The following SHB variants were observed in gnomAD, a reference collection of about 807,000 sequenced individuals.
SHB encodes SH2 domain-containing adapter protein B.
Under a neutral mutation model 52.3 loss-of-function variants are expected in SHB, and 20 were observed. The observed-to-expected ratio is 0.38, with a 90% CI of 0.27 to 0.56. The LOEUF (loss-of-function observed/expected upper bound fraction) is 0.56, where lower values mean the gene tolerates loss of function less well. Ranked by LOEUF, SHB falls within the 20% of genes least tolerant of loss-of-function variation. The probability of loss-of-function intolerance (pLI) is 0.71; values close to 1 mark genes in which losing one functional copy is unlikely to be tolerated. For synonymous variants in SHB, 397 were observed against 316.5 expected (o/e 1.25, Z -2.70); for missense variants, 825 against 723.3 (o/e 1.14, Z -1.61).
intron 1 of SHB, among the ~76,000 whole-genome samples, chr9:38,018,776 T>C (rs1360421068): frequency 6.6e-6 from 1 of 152,192 alleles, no homozygotes; most frequent in Non-Finnish European, 1.5e-5. Context: ...TGAAGTACCA[T>C]GGGCCCCAGC....
At chr9:37,928,357 C>G (rs985848520) in intron 5 of SHB, among the ~76,000 whole-genome samples, 1 of 152,180 alleles carries the variant, frequency 6.6e-6, no homozygotes, top group African/African-American at 2.4e-5. Context: ...TGGACAGAAT[C>G]CAGGCCAAGG....
chr9:37,994,614 G>C (rs1587234554), intron 2 of SHB, among the ~76,000 whole-genome samples: 1 of 152,154 alleles, frequency 6.6e-6, no homozygotes, highest in Admixed American at 6.5e-5. Flanking sequence ...CAATTTCATG[G>C]CGCTGTTTAA....
chr9:38,042,082 A>G (rs2118143410), intron 1 of SHB, among the ~76,000 whole-genome samples: 1 of 152,286 alleles, frequency 6.6e-6, no homozygotes, highest in Admixed American at 6.5e-5. Context: ...TTCGCCCAGA[A>G]GGCATCAAGG....
chr9:38,047,704 A>G (rs1821675677), intron 1 of SHB, among the ~76,000 whole-genome samples: 1 of 152,242 alleles, frequency 6.6e-6, no homozygotes, highest in Admixed American at 6.5e-5. Flanking sequence ...AAAATCCCCC[A>G]TCTTTACAGG....
intron 2 of SHB, among the ~76,000 whole-genome samples, chr9:38,006,002 C>A (rs540938493): frequency 2.0e-5 from 3 of 152,134 alleles, no homozygotes; most frequent in Admixed American, 2.0e-4. Flanking sequence ...GCTGGCTGCT[C>A]CCACCTCAAA....
chr9:37,967,565 C>CCT (rs1820540950), intron 3 of SHB, among the ~76,000 whole-genome samples: 5 of 152,174 alleles, frequency 3.3e-5, no homozygotes, highest in Admixed American at 3.3e-4. Flanking sequence ...GAGGTGACTT[C>CCT]CCCTCCCTAA....
intron 5 of SHB, among the ~76,000 whole-genome samples, chr9:37,947,285 A>G (rs1331362696): frequency 6.6e-6 from 1 of 152,210 alleles, no homozygotes; most frequent in Non-Finnish European, 1.5e-5. Context: ...GCAGTGGTCC[A>G]GCCTTTGGTC....
At chr9:37,929,549 A>C (rs550958302) in intron 5 of SHB, among the ~76,000 whole-genome samples, 26 of 152,080 alleles carry the variant, frequency 1.7e-4, no homozygotes, top group Admixed American at 8.5e-4. Flanking sequence ...TGGGCTGAGC[A>C]CTGAGCTAGG....
chr9:37,974,618 T>C lies in SHB; in HGVS notation c.1054+4A>G, dbSNP rs375076075. 1.1e-5 allele frequency: 17 copies of C among 1,611,714 alleles called. No individual in the cohort carries two copies. Among genetic ancestry groups the C allele is most frequent in the Middle Eastern group, 1.9e-4 (1 of 5,238 alleles). On this transcript the variant is annotated splice_donor_region_variant and intron_variant, in intron 3 of 5. Coordinates refer to ENST00000377707, the MANE Select transcript of SHB (RefSeq NM_003028.3). Reference sequence around the variant, plus strand: ...GCCTCCTGAGCAGGGTCAGGGCTCCTTACCTGCCAGGGCTGGGATGGTGAC... The same window carrying C: ...GCCTCCTGAGCAGGGTCAGGGCTCCCTACCTGCCAGGGCTGGGATGGTGAC...
chr9:37,978,874 G>C (rs1344269939), intron 2 of SHB, among the ~76,000 whole-genome samples: 1 of 152,200 alleles, frequency 6.6e-6, no homozygotes, highest in African/African-American at 2.4e-5. Flanking sequence ...TAATTAAGAT[G>C]AGCACATGAA....
intron 1 of SHB, among the ~76,000 whole-genome samples, chr9:38,024,045 G>C (rs931608267): frequency 6.6e-6 from 1 of 152,214 alleles, no homozygotes; most frequent in Non-Finnish European, 1.5e-5. Context: ...GAAATCAGAC[G>C]GTGGGGAGGT....
intron 5 of SHB, among the ~76,000 whole-genome samples, chr9:37,934,139 T>A (rs1832342693): frequency 6.6e-6 from 1 of 152,200 alleles, no homozygotes; most frequent in South Asian, 2.1e-4. Flanking sequence ...CTCCTGAGCT[T>A]CGGTTGAACT....
Position 38,041,105 on chromosome 9 carries a change from C to A in SHB, c.718-24974G>T, listed in dbSNP as rs111583265. On this transcript the variant is annotated intron_variant, in intron 1 of 5. Coordinates refer to ENST00000377707, the MANE Select transcript of SHB (RefSeq NM_003028.3). ...AAGCCACAGCTTAGTTTCTTCTGGG[C>A]AGGGATGGAGGGTCAAAAGTGGCCA... Among the ~76,000 whole-genome samples the A allele has an allele frequency of 6.9e-3, 1,055 of 152,248 alleles. 6 individuals carry two copies. Among genetic ancestry groups the A allele is most frequent in the Non-Finnish European group, 0.01 (681 of 68,016 alleles).
chr9:37,935,926 A>G (rs1587199044), intron 5 of SHB, among the ~76,000 whole-genome samples: 1 of 52,444 alleles, frequency 1.9e-5, no homozygotes, highest in Non-Finnish European at 3.8e-5. Context: ...CTCATTAAAG[A>G]AAAAAAAAAT....
At chr9:38,043,971 C>T (rs750562336) in intron 1 of SHB, among the ~76,000 whole-genome samples, 1 of 152,252 alleles carries the variant, frequency 6.6e-6, no homozygotes, top group African/African-American at 2.4e-5. Context: ...AGGCCTCAAT[C>T]CAGGGCCATG....
intron 2 of SHB, among the ~76,000 whole-genome samples, chr9:37,987,882 C>T (rs182628843): frequency 6.6e-6 from 1 of 152,218 alleles, no homozygotes; most frequent in African/African-American, 2.4e-5. Context: ...GGCAGGGTGC[C>T]AGCTGCCTAG....
At position 37,948,655 on chromosome 9, in the gene SHB, A is replaced by T. The variant is rs540395778; in HGVS notation, c.1326T>A (p.His442Gln). 90 of 1,613,810 alleles carry T rather than the reference A, an allele frequency of 5.6e-5. 1 individual carries two copies. The South Asian group carries it at 8.7e-4, about 16-fold the overall frequency. ...CTCACCTCAGGGAGAGGGAGTAGTCATGCTTGCTGGTCTGGCTGTTCCGGA... is the reference window on the plus strand; with the variant it reads ...CTCACCTCAGGGAGAGGGAGTAGTCTTGCTTGCTGGTCTGGCTGTTCCGGA... ...YLVRNSQTSK[H>Q]DYSLSLRSNQ... The change falls in exon 5 of 6, where the codon CAT becomes CAA. Residue 442 changes from histidine to glutamine, a missense_variant. Coordinates refer to ENST00000377707, the MANE Select transcript of SHB (RefSeq NM_003028.3).
intron 2 of SHB, among the ~76,000 whole-genome samples, chr9:38,000,497 C>T (rs1820997687): frequency 6.6e-6 from 1 of 152,216 alleles, no homozygotes; most frequent in Non-Finnish European, 1.5e-5. Flanking sequence ...CACCTTGACC[C>T]AATGTGGTGA....
chr9:38,027,854 A>AGGGT (rs1254173441), intron 1 of SHB, among the ~76,000 whole-genome samples: 1 of 151,970 alleles, frequency 6.6e-6, no homozygotes, highest in African/African-American at 2.4e-5. Context: ...CAGAAGGGAC[A>AGGGT]GGGTGGGTCT....
Sources: allele counts gnomAD v4.1 joint callset (sites outside exome capture counted in the v4.1 genomes callset), GRCh38; gene constraint gnomAD v4.1.1; transcripts MANE v1.5; gene names NCBI Gene and HGNC (gene_info 2026-07-23, HGNC 2026-07-21).